The following TRPM3 variants were observed in gnomAD, a reference collection of about 807,000 sequenced individuals.
TRPM3 encodes long transient receptor potential channel 3.
In TRPM3, 77 loss-of-function variants were observed where a neutral mutation model predicts 181.2. That is an observed-to-expected ratio of 0.42 (90% CI 0.35 to 0.51). The LOEUF is 0.51. Ranked by LOEUF, TRPM3 falls within the 20% of genes least tolerant of loss-of-function variation. The pLI, the probability that TRPM3 is intolerant of heterozygous loss-of-function variation, is 0.01. For missense variants in TRPM3, 1,759 were observed against 2,196.7 expected, an observed-to-expected ratio of 0.80 and a Z score of 3.98; for synonymous variants, 745 against 796.4, an observed-to-expected ratio of 0.94 and a Z score of 1.09.
chr9:70,861,096 TA>T (rs147809728), intron 3 of TRPM3, among the ~76,000 whole-genome samples: 9,906 of 152,204 alleles, frequency 0.065, 428 homozygotes, highest in Middle Eastern at 0.13. Context: ...TTTTTAACGG[TA>T]AAAAACTTTA....
chr9:70,784,387 A>G, intron 6 of TRPM3, 108 bp from the exon 7 acceptor site: 1 of 1,228,878 alleles, frequency 8.1e-7, no homozygotes, highest in Admixed American at 2.8e-5. Context: ...ATTACTGAGC[A>G]CGGGGGAGGT....
At chr9:71,421,019 AAG>A (rs1228367806) in intron 1 of TRPM3, among the ~76,000 whole-genome samples, 3 of 149,838 alleles carry the variant, frequency 2.0e-5, no homozygotes, top group Non-Finnish European at 3.0e-5. Context: ...AAGAGAGAAA[AAG>A]AGAGAAAAAG....
At chr9:70,665,305 T>C (rs2061694247) in intron 9 of TRPM3, among the ~76,000 whole-genome samples, 1 of 152,164 alleles carries the variant, frequency 6.6e-6, no homozygotes, top group African/African-American at 2.4e-5. Context: ...TATTAGACTT[T>C]GAAGAATCGA....
chr9:71,134,016 C>T (rs996010918), intron 1 of TRPM3, among the ~76,000 whole-genome samples: 1 of 124,294 alleles, frequency 8.0e-6, no homozygotes, highest in African/African-American at 3.1e-5. Flanking sequence ...TGTGTGTGTG[C>T]GCGTGCGCGC....
intron 1 of TRPM3, among the ~76,000 whole-genome samples, chr9:71,056,691 G>A (rs1377937483): frequency 6.6e-6 from 1 of 152,050 alleles, no homozygotes; most frequent in Non-Finnish European, 1.5e-5. Flanking sequence ...ATAGAGGGAA[G>A]ACTATAAGAC....
At position 71,101,009 on chromosome 9, in the gene TRPM3, T is replaced by A. The variant is rs894854287; in HGVS notation, c.177+20169A>T. ...TTTTAATCTCTCTTTCTCTACTTGCTTTTTCTCATGTATCTAAAACCTAAA... is the reference window on the plus strand; with the variant it reads ...TTTTAATCTCTCTTTCTCTACTTGCATTTTCTCATGTATCTAAAACCTAAA... On this transcript the variant is annotated intron_variant, in intron 1 of 25. Transcript: ENST00000677713. 5.3e-5 allele frequency among the ~76,000 whole-genome samples: 8 copies of A among 152,122 alleles called. No individual in the cohort carries two copies. The East Asian group carries it at 1.3e-3, about 26-fold the overall frequency.
intron 6 of TRPM3, among the ~76,000 whole-genome samples, chr9:70,805,264 GAGAC>G (rs1015561011): frequency 1.8e-4 from 27 of 151,250 alleles, no homozygotes; most frequent in African/African-American, 6.3e-4. Context: ...GAGAGACAGA[GAGAC>G]AGAGAGAGAC....
At chr9:70,662,724 T>A (rs2061306495) in intron 9 of TRPM3, among the ~76,000 whole-genome samples, 1 of 151,028 alleles carries the variant, frequency 6.6e-6, no homozygotes, top group African/African-American at 2.4e-5. Context: ...TGGCCATAAT[T>A]AAAATGTCAA....
chr9:71,039,832 G>T (rs1699786255), intron 1 of TRPM3, among the ~76,000 whole-genome samples: 1 of 152,042 alleles, frequency 6.6e-6, no homozygotes, highest in South Asian at 2.1e-4. Flanking sequence ...ATGTATCATT[G>T]TATGCTATAG....
At chr9:70,633,309 T>A (rs969937382) in intron 12 of TRPM3, among the ~76,000 whole-genome samples, 2 of 152,208 alleles carry the variant, frequency 1.3e-5, no homozygotes, top group Admixed American at 6.5e-5. Flanking sequence ...TCTTCTGAGT[T>A]TAGTTTTCAG....
At chr9:70,612,432 G>C (rs2185338) in intron 18 of TRPM3, among the ~76,000 whole-genome samples, 148,015 of 152,328 alleles carry the variant, frequency 0.97, 72,059 homozygotes, top group East Asian at 1. Context: ...GTTGAGAATA[G>C]AGACAATCCT....
intron 1 of TRPM3, among the ~76,000 whole-genome samples, chr9:71,424,518 A>G (rs1379707724): frequency 6.6e-6 from 1 of 152,144 alleles, no homozygotes; most frequent in Non-Finnish European, 1.5e-5. Flanking sequence ...AAGCAATATC[A>G]TAAGACAGAT....
chr9:70,664,173 G>A lies in TRPM3; in HGVS notation c.1345+17333C>T, dbSNP rs574312737. 1.4e-3 allele frequency among the ~76,000 whole-genome samples: 218 copies of A among 152,292 alleles called. 2 individuals carry two copies. Among genetic ancestry groups the A allele is most frequent in the Middle Eastern group, 3.4e-3 (1 of 294 alleles). ...CTGGATGGAGAAGAGTTACCAGCCA[G>A]GTTATTAGTTTGATTTCTGCTATAG... On this transcript the variant is annotated intron_variant, in intron 9 of 25. Transcript: ENST00000677713.
chr9:70,544,081 T>A (rs936809471), intron 25 of TRPM3, among the ~76,000 whole-genome samples: 2 of 152,192 alleles, frequency 1.3e-5, no homozygotes, highest in African/African-American at 4.8e-5. Context: ...ATGCTTTCAA[T>A]GGGTTAAAGG....
chr9:70,947,950 T>C (rs1416117680), intron 1 of TRPM3, among the ~76,000 whole-genome samples: 1 of 152,216 alleles, frequency 6.6e-6, no homozygotes, highest in Non-Finnish European at 1.5e-5. Flanking sequence ...GTTACTATTA[T>C]AAGATGTATC....
intron 22 of TRPM3, among the ~76,000 whole-genome samples, chr9:70,559,727 G>A (rs891069510): frequency 2.0e-5 from 3 of 152,164 alleles, no homozygotes; most frequent in Non-Finnish European, 4.4e-5. Flanking sequence ...GAGGTCTGGG[G>A]TGAAAGATCA....
intron 8 of TRPM3, among the ~76,000 whole-genome samples, chr9:70,694,978 T>C (rs1278554873): frequency 1.3e-5 from 2 of 152,198 alleles, no homozygotes; most frequent in Non-Finnish European, 2.9e-5. Flanking sequence ...ACCCTCCCCC[T>C]ATTCGGGAAA....
At chr9:71,122,439 C>T (rs989869242), upstream of TRPM3, among the ~76,000 whole-genome samples, 2 of 152,190 alleles carry the variant, frequency 1.3e-5, no homozygotes, top group East Asian at 1.9e-4. Flanking sequence ...CCATGTACCC[C>T]CAGGCATCGG....
chr9:71,324,119 G>A (rs1308635935), intron 1 of TRPM3, among the ~76,000 whole-genome samples: 1 of 152,052 alleles, frequency 6.6e-6, no homozygotes, highest in African/African-American at 2.4e-5. Context: ...GTGGCAGAAT[G>A]CATTCACCTG....
Sources: gnomAD v4.1 joint callset for allele counts (sites outside exome capture counted in the v4.1 genomes callset) on GRCh38, gnomAD v4.1.1 for gene constraint, MANE v1.5 for transcripts, NCBI Gene and HGNC (gene_info 2026-07-23, HGNC 2026-07-21) for gene names.